FAM120B: variants seen among roughly 807,000 people sequenced by gnomAD.
FAM120B encodes the protein constitutive coactivator of peroxisome proliferator-activated receptor gamma.
In FAM120B, 83 loss-of-function variants were observed where a neutral mutation model predicts 96.3. The observed-to-expected ratio is 0.86, with a 90% confidence interval of 0.72 to 1.03. The LOEUF (loss-of-function observed/expected upper bound fraction) is 1.03. Among genes scored for constraint, FAM120B ranks in the 50% least tolerant of loss-of-function variants. FAM120B has a pLI of 0.00. For missense variants in FAM120B, 1,027 were observed against 1,121.2 expected (o/e 0.92, Z 1.20); for synonymous variants, 407 against 402.7 (o/e 1.01, Z -0.13).
chr6:170,318,015 G>T lies in FAM120B; in HGVS notation c.625G>T (p.Glu209Ter). 6.2e-7 allele frequency: 1 copy of T among 1,614,020 alleles called. No homozygotes were observed. Among genetic ancestry groups the T allele is most frequent in the Non-Finnish European group, 8.5e-7 (1 of 1,179,936 alleles). The change falls in exon 2 of 11, where the codon GAG becomes TAG. Residue 209 changes from glutamate (E) to a stop codon, truncating the protein, a stop_gained. Transcript: ENST00000476287. LOFTEE classifies it high-confidence loss of function. The stretch of plus-strand genomic sequence containing the variant: ...CCTGGACACCGTCATGCTCTGCAGA[G>T]AGAAGCTCTGTGAGAGTCTGGGCCT... Reference protein sequence around the residue: ...ESLDTVMLCREKLCESLGLCV... With the variant: ...ESLDTVMLCR
chr6:170,364,894 A>G (rs1788674570), intron 6 of FAM120B, among the ~76,000 whole-genome samples: 1 of 152,208 alleles, frequency 6.6e-6, no homozygotes, highest in Admixed American at 6.5e-5. Context: ...AGTGAGACCT[A>G]CAGTTGGTGA....
upstream of FAM120B, among the ~76,000 whole-genome samples, chr6:170,303,367 G>C (rs1784182934): frequency 6.6e-6 from 1 of 152,100 alleles, no homozygotes; most frequent in Non-Finnish European, 1.5e-5. Flanking sequence ...AGCCTCCTAA[G>C]TAGCTGGGAC....
intron 6 of FAM120B, among the ~76,000 whole-genome samples, chr6:170,385,183 T>C (rs1790119454): frequency 6.6e-6 from 1 of 152,142 alleles, no homozygotes; most frequent in Non-Finnish European, 1.5e-5. Flanking sequence ...TAACAATAAG[T>C]AAAAATTCTG....
chr6:170,327,193 C>T (rs1245757670), intron 3 of FAM120B, among the ~76,000 whole-genome samples: 1 of 152,004 alleles, frequency 6.6e-6, no homozygotes, highest in Admixed American at 6.5e-5. Flanking sequence ...ACTACAGGCA[C>T]CCGCCACCAT....
At position 170,357,279 on chromosome 6, in the gene FAM120B, C is replaced by T. The variant is rs114444687; in HGVS notation, c.2191-947C>T. 1.6e-3 allele frequency among the ~76,000 whole-genome samples: 244 copies of T among 152,192 alleles called. 3 individuals are homozygous for T. Among genetic ancestry groups the T allele is most frequent in the African/African-American group, 5.7e-3 (238 of 41,530 alleles). On this transcript the variant is annotated intron_variant, in intron 5 of 10. Transcript: ENST00000476287. ...CTGCCTTTATCTGGGTAGCTGAACG[C>T]GGTGGCTGGGAGAGGAATGTCTCTA...
intron 6 of FAM120B, among the ~76,000 whole-genome samples, chr6:170,369,614 C>T (rs2115243975): frequency 6.6e-6 from 1 of 152,046 alleles, no homozygotes. Context: ...TGGGGCAGGC[C>T]CCGGGGCTGA....
chr6:170,341,265 G>A (rs189168506), intron 4 of FAM120B, among the ~76,000 whole-genome samples: 150 of 152,292 alleles, frequency 9.8e-4, no homozygotes, highest in African/African-American at 3.1e-3. Flanking sequence ...GGTGAGTTCC[G>A]CCCAGTCCAA....
intron 6 of FAM120B, among the ~76,000 whole-genome samples, chr6:170,369,504 A>G (rs538767202): frequency 2.0e-5 from 3 of 152,216 alleles, no homozygotes; most frequent in Non-Finnish European, 4.4e-5. Flanking sequence ...AAGAAGGACT[A>G]TAGCAGAAAG....
chr6:170,352,902 G>A (rs1340896543), intron 5 of FAM120B, among the ~76,000 whole-genome samples: 1 of 151,672 alleles, frequency 6.6e-6, no homozygotes, highest in African/African-American at 2.4e-5. Flanking sequence ...TGAACTGAAG[G>A]AGATAGAGAC....
At chr6:170,323,404 T>C in intron 3 of FAM120B, 145 bp downstream of exon 3, 1 of 668,142 alleles carries the variant, frequency 1.5e-6, no homozygotes, top group Non-Finnish European at 2.5e-6. Flanking sequence ...TAATTGAGAA[T>C]ACCACTGACA....
intron 9 of FAM120B, among the ~76,000 whole-genome samples, chr6:170,396,652 C>T (rs1363135122): frequency 6.6e-6 from 1 of 152,172 alleles, no homozygotes; most frequent in Non-Finnish European, 1.5e-5. Context: ...GCAGTCCATC[C>T]TTTCATGGTC....
chr6:170,306,695 A>T (rs1383866930), upstream of FAM120B: 3 of 152,272 alleles, frequency 2.0e-5, no homozygotes, highest in African/African-American at 7.2e-5. Flanking sequence ...ACGGTCACGC[A>T]GACCCCGCCT....
At chr6:170,323,392 T>C (rs1311799707) in intron 3 of FAM120B, 133 bp downstream of exon 3, 2 of 720,154 alleles carry the variant, frequency 2.8e-6, no homozygotes, top group East Asian at 5.6e-5. Context: ...CTGTCAAATC[T>C]ATAATTGAGA....
intron 4 of FAM120B, among the ~76,000 whole-genome samples, chr6:170,341,347 C>G (rs1786815682): frequency 6.6e-6 from 1 of 152,206 alleles, no homozygotes; most frequent in South Asian, 2.1e-4. Context: ...CCCCTCCCCC[C>G]ACCAAGCTCG....
chr6:170,381,605 A>G (rs1238010678), intron 6 of FAM120B, among the ~76,000 whole-genome samples: 1 of 152,188 alleles, frequency 6.6e-6, no homozygotes, highest in Non-Finnish European at 1.5e-5. Context: ...ATCCCTTTTG[A>G]ATGTAGGTAC....
At chr6:170,386,182 G>A (rs191010965) in intron 6 of FAM120B, among the ~76,000 whole-genome samples, 13 of 152,286 alleles carry the variant, frequency 8.5e-5, no homozygotes, top group Middle Eastern at 3.4e-3. Context: ...AGGGATTGGC[G>A]GGTGGAGGCA....
chr6:170,387,674 A>G (rs1357178608), intron 6 of FAM120B, among the ~76,000 whole-genome samples: 1 of 152,248 alleles, frequency 6.6e-6, no homozygotes, highest in Non-Finnish European at 1.5e-5. Flanking sequence ...TGCAAAGATT[A>G]TCAGCCTATC....
At chr6:170,396,879 C>T (rs763082422) in intron 9 of FAM120B, among the ~76,000 whole-genome samples, 4 of 152,238 alleles carry the variant, frequency 2.6e-5, no homozygotes, top group Admixed American at 2.6e-4. Context: ...TGTAAACTTA[C>T]GTAGACTCAG....
chr6:170,341,986 A>G (rs575314686), intron 4 of FAM120B, among the ~76,000 whole-genome samples: 8 of 152,208 alleles, frequency 5.3e-5, no homozygotes, highest in Non-Finnish European at 7.3e-5. Flanking sequence ...TAGCCATGAC[A>G]TGATCACAAG....
Sources: gnomAD v4.1 joint callset for allele counts (sites outside exome capture counted in the v4.1 genomes callset) on GRCh38, gnomAD v4.1.1 for gene constraint, MANE v1.5 for transcripts, NCBI Gene and HGNC (gene_info 2026-07-23, HGNC 2026-07-21) for gene names.